CDH13: variants seen among roughly 807,000 people sequenced by gnomAD.
The protein encoded by CDH13 is cadherin-13.
In CDH13, 24 loss-of-function variants were observed where a neutral mutation model predicts 63.8. That is an observed-to-expected ratio of 0.38 (90% confidence interval 0.27 to 0.53). The LOEUF is 0.53. Among genes scored for constraint, CDH13 ranks in the 20% least tolerant of loss-of-function variants. CDH13 has a pLI of 0.85. For synonymous variants in CDH13, 503 were observed against 355.3 expected (o/e 1.42, Z -4.67); for missense variants, 1,049 against 903.1 (o/e 1.16, Z -2.07).
chr16:83,480,394 C>A (rs559685077), intron 6 of CDH13, among the ~76,000 whole-genome samples: 17 of 152,188 alleles, frequency 1.1e-4, no homozygotes, highest in Non-Finnish European at 2.5e-4. Flanking sequence ...AATAGATAGC[C>A]CAGGTCCTCA....
chr16:83,740,267 A>G lies in CDH13; in HGVS notation c.1539-7841A>G, dbSNP rs58177264. On this transcript the variant is annotated intron_variant, in intron 10 of 13. Coordinates refer to ENST00000567109, the MANE Select transcript of CDH13 (RefSeq NM_001257.5). The stretch of plus-strand genomic sequence containing the variant: ...TGGATTTTATTCTATACCCCATGGG[A>G]AGTCATTGGTGGGTTTTAAGCCGGG... Among the ~76,000 whole-genome samples the G allele has an allele frequency of 3.2e-3, 485 of 151,998 alleles. 2 individuals carry two copies. Among genetic ancestry groups the G allele is most frequent in the African/African-American group, 0.011 (444 of 41,464 alleles).
intron 10 of CDH13, among the ~76,000 whole-genome samples, chr16:83,694,867 A>G (rs141765831): frequency 4.1e-4 from 62 of 152,298 alleles, no homozygotes; most frequent in Middle Eastern, 3.4e-3. Flanking sequence ...GAAAAACTCA[A>G]TCATCCAGAT....
chr16:83,260,503 G>T (rs940592509), intron 5 of CDH13, among the ~76,000 whole-genome samples: 2 of 152,176 alleles, frequency 1.3e-5, no homozygotes, highest in African/African-American at 4.8e-5. Flanking sequence ...ACACTTGATT[G>T]CTTTTTAGCT....
intron 4 of CDH13, among the ~76,000 whole-genome samples, chr16:83,145,890 G>C (rs1343168369): frequency 6.6e-6 from 1 of 152,120 alleles, no homozygotes; most frequent in Non-Finnish European, 1.5e-5. Context: ...GTGACTCTAA[G>C]GATGAAAAGA....
At position 82,985,107 on chromosome 16, in the gene CDH13, A is replaced by C. The variant is rs1910768528; in HGVS notation, c.158-46903A>C. Among the ~76,000 whole-genome samples the C allele has an allele frequency of 2.0e-5, 3 of 152,240 alleles. No individual in the cohort carries two copies. In the South Asian group the frequency reaches 6.2e-4, roughly 32 times the overall value. On this transcript the variant is annotated intron_variant, in intron 2 of 13. Coordinates refer to ENST00000567109, the MANE Select transcript of CDH13 (RefSeq NM_001257.5). The stretch of plus-strand genomic sequence containing the variant: ...CTGTTGAATAAGGTCAGTAAGTAAT[A>C]GTAGTTGCTGTATTTCTCATAAGTG...
intron 4 of CDH13, among the ~76,000 whole-genome samples, chr16:83,161,813 C>G (rs550311183): frequency 6.6e-6 from 1 of 152,122 alleles, no homozygotes; most frequent in Admixed American, 6.5e-5. Flanking sequence ...AAAGATTCCC[C>G]GAGATGAGAG....
intron 5 of CDH13, among the ~76,000 whole-genome samples, chr16:83,243,399 C>G (rs1447712903): frequency 6.6e-6 from 1 of 152,152 alleles, no homozygotes; most frequent in Non-Finnish European, 1.5e-5. Context: ...ATAAAAGCAT[C>G]AGATCTCATG....
chr16:83,054,742 A>G (rs537282962), intron 3 of CDH13, among the ~76,000 whole-genome samples: 12 of 152,198 alleles, frequency 7.9e-5, no homozygotes, highest in Non-Finnish European at 1.8e-4. Flanking sequence ...CCATCATCAT[A>G]GCTGAAAACT....
chr16:83,666,901 T>C (rs1218885501), intron 8 of CDH13, among the ~76,000 whole-genome samples: 1 of 152,196 alleles, frequency 6.6e-6, no homozygotes, highest in African/African-American at 2.4e-5. Context: ...CACGTTGTTA[T>C]ACATTTCTTT....
intron 3 of CDH13, among the ~76,000 whole-genome samples, chr16:83,055,316 G>A (rs2030805132): frequency 6.6e-6 from 1 of 151,598 alleles, no homozygotes; most frequent in Admixed American, 6.6e-5. Context: ...AAGAGGATAA[G>A]TCAATAAAGT....
chr16:83,362,738 C>T (rs1002325309), intron 6 of CDH13, among the ~76,000 whole-genome samples: 1 of 152,192 alleles, frequency 6.6e-6, no homozygotes, highest in Non-Finnish European at 1.5e-5. Context: ...TTAATTACTT[C>T]TTAGTATGCC....
intron 2 of CDH13, among the ~76,000 whole-genome samples, chr16:82,943,543 C>CT (rs1214523342): frequency 2.0e-5 from 3 of 152,164 alleles, no homozygotes; most frequent in African/African-American, 7.2e-5. Flanking sequence ...CCCTTTCTTC[C>CT]TTCCATAAGA....
chr16:83,105,217 A>G (rs533538910), intron 3 of CDH13, among the ~76,000 whole-genome samples: 3 of 152,306 alleles, frequency 2.0e-5, no homozygotes, highest in East Asian at 1.9e-4. Flanking sequence ...TCACCGTAAG[A>G]TTCTACCTGA....
rs1049533254 is a variant in CDH13 at position 83,799,557 on chromosome 16, C to G, written c.*4527C>G. ...TTAAACATGAGTCAACAGGGTAAGT[C>G]ACACCAACAGGAAACCCAAGCACTA... On this transcript the variant is annotated 3_prime_UTR_variant, in exon 14 of 14. Coordinates refer to ENST00000567109, the MANE Select transcript of CDH13 (RefSeq NM_001257.5). 4 of 152,086 alleles carry G rather than the reference C, an allele frequency of 2.6e-5. No homozygotes were observed. Among genetic ancestry groups the G allele is most frequent in the Non-Finnish European group, 5.9e-5 (4 of 68,008 alleles). The allele number at this position is 152,086 out of a possible 1,614,324, so 9.4% of individuals were successfully genotyped here. A position where few individuals can be genotyped will look rare whatever the true frequency, so the allele number is the denominator to read the frequency against.
intron 10 of CDH13, chr16:83,728,994 A>G (rs1910746935): frequency 6.5e-6 from 1 of 152,722 alleles, no homozygotes; most frequent in Admixed American, 6.5e-5. Context: ...TCCTTGGGGC[A>G]TGTACCTGGA....
At chr16:83,313,776 A>G (rs71402061) in intron 5 of CDH13, among the ~76,000 whole-genome samples, 13,354 of 152,258 alleles carry the variant, frequency 0.088, 798 homozygotes, top group Non-Finnish European at 0.13. Context: ...GTTGTTAAAC[A>G]ATAGTGTCTG....
intron 2 of CDH13, among the ~76,000 whole-genome samples, chr16:82,898,127 T>C (rs780960292): frequency 3.9e-5 from 6 of 152,392 alleles, no homozygotes; most frequent in Non-Finnish European, 7.3e-5. Context: ...ACTGATTACA[T>C]ATTAAAATGA....
At chr16:82,727,779 A>G (rs761762154) in intron 1 of CDH13, 22 of 152,174 alleles carry the variant, frequency 1.4e-4, no homozygotes, top group Non-Finnish European at 2.8e-4. Context: ...TTCGTCTTGG[A>G]AGACAGGCAG....
In CDH13 at chr16:83,301,024, G is replaced by GTTTTTT. The variant is rs1567574870; in HGVS notation, c.637-43838_637-43837insTTTTTT. On this transcript the variant is annotated intron_variant, in intron 5 of 13. Transcript: ENST00000567109. ...TGAACTGATACATATAACTTTCTGG[G>GTTTTTT]GTTTTTTTTTTTTTTTTTTTTTTTT... 1.2e-3 allele frequency among the ~76,000 whole-genome samples: 67 copies of GTTTTTT among 53,968 alleles called. 2 individuals carry two copies. The highest frequency in any genetic ancestry group is 1.5e-3 in the Admixed American group (6 of 3,890). The allele number at this position is 53,968 out of a possible 152,430, so 35.4% of individuals were successfully genotyped here.
Sources: allele counts gnomAD v4.1 joint callset (sites outside exome capture counted in the v4.1 genomes callset), GRCh38; gene constraint gnomAD v4.1.1; transcripts MANE v1.5; gene names NCBI Gene and HGNC (gene_info 2026-07-23, HGNC 2026-07-21).